The following SLC25A48 variants were observed in gnomAD, a reference collection of about 807,000 sequenced individuals.
SLC25A48 encodes CTC-321K16.1.
SLC25A48 carries 29 observed loss-of-function variants against 32.2 expected under a neutral mutation model. That is an observed-to-expected ratio of 0.90 (90% CI 0.67 to 1.23). The LOEUF (loss-of-function observed/expected upper bound fraction) is 1.23. SLC25A48 is among the 50% of genes most tolerant of loss of function. The pLI is 0.00. For synonymous variants in SLC25A48, 164 were observed against 172.3 expected (o/e 0.95, Z 0.38); for missense variants, 399 against 422.7 (o/e 0.94, Z 0.49).
intron 3 of SLC25A48, among the ~76,000 whole-genome samples, chr5:135,801,652 C>G (rs895192725): frequency 6.0e-5 from 9 of 150,356 alleles, no homozygotes; most frequent in African/African-American, 2.2e-4. Context: ...ATGATATTAC[C>G]CTCAATATCA....
At chr5:135,853,228 GCTGCTGA>G in intron 4 of SLC25A48, among the ~76,000 whole-genome samples, 1 of 152,304 alleles carries the variant, frequency 6.6e-6, no homozygotes, top group East Asian at 1.9e-4. Flanking sequence ...GATGTTGATG[GCTGCTGA>G]CTGATCAGGG....
chr5:135,581,773 G>A (rs1049737906), intron 1 of SLC25A48, among the ~76,000 whole-genome samples: 1 of 152,238 alleles, frequency 6.6e-6, no homozygotes, highest in Admixed American at 6.5e-5. Flanking sequence ...TGCAAGCAGA[G>A]CTGAGCCCTT....
intron 3 of SLC25A48, among the ~76,000 whole-genome samples, chr5:135,740,943 G>A (rs1473173966): frequency 7.9e-5 from 12 of 152,150 alleles, no homozygotes; most frequent in Admixed American, 7.8e-4. Context: ...TACTTTGGGT[G>A]GGCTACAAAC....
chr5:135,680,103 G>A (rs971466289), intron 3 of SLC25A48, among the ~76,000 whole-genome samples: 3 of 152,088 alleles, frequency 2.0e-5, no homozygotes, highest in African/African-American at 7.2e-5. Flanking sequence ...TCTTGCTTTA[G>A]GTGTCTGTAG....
chr5:135,699,335 T>C (rs1273746283), intron 3 of SLC25A48, among the ~76,000 whole-genome samples: 1 of 151,020 alleles, frequency 6.6e-6, no homozygotes. Context: ...ATATTATGCA[T>C]CAAGGAGAAA....
intron 3 of SLC25A48, among the ~76,000 whole-genome samples, chr5:135,746,991 TTTG>T (rs1561473786): frequency 4.2e-5 from 3 of 70,784 alleles, no homozygotes; most frequent in Admixed American, 1.3e-4. Flanking sequence ...TTAAGTATTT[TTTG>T]TTGTTGTTTT....
intron 3 of SLC25A48, among the ~76,000 whole-genome samples, chr5:135,658,639 G>C (rs1753313014): frequency 6.6e-6 from 1 of 152,240 alleles, no homozygotes; most frequent in Non-Finnish European, 1.5e-5. Flanking sequence ...TGCCCTAGCA[G>C]AGGTTCTCCA....
chr5:135,789,652 T>C (rs1224768555), intron 3 of SLC25A48, among the ~76,000 whole-genome samples: 3 of 150,948 alleles, frequency 2.0e-5, no homozygotes, highest in Non-Finnish European at 4.4e-5. Flanking sequence ...TTTTGCGATA[T>C]GGTTTGTAAT....
At chr5:135,879,083 A>G (rs1762251773) in intron 6 of SLC25A48, among the ~76,000 whole-genome samples, 1 of 152,158 alleles carries the variant, frequency 6.6e-6, no homozygotes, top group African/African-American at 2.4e-5. Flanking sequence ...AGCATCACAT[A>G]ATACTCCCTA....
intron 3 of SLC25A48, among the ~76,000 whole-genome samples, chr5:135,752,948 G>T (rs1054004118): frequency 9.2e-5 from 14 of 151,784 alleles, no homozygotes; most frequent in Admixed American, 1.3e-4. Context: ...ATTTCTCGAG[G>T]ATATATTTTA....
At chr5:135,794,241 G>T (rs1383798139) in intron 3 of SLC25A48, among the ~76,000 whole-genome samples, 1 of 151,614 alleles carries the variant, frequency 6.6e-6, no homozygotes, top group Non-Finnish European at 1.5e-5. Context: ...TAATATCTAG[G>T]GGGGGAGTGG....
chr5:135,780,812 C>T (rs1580871917), intron 3 of SLC25A48, among the ~76,000 whole-genome samples: 1 of 115,366 alleles, frequency 8.7e-6, no homozygotes, highest in Non-Finnish European at 2.1e-5. Flanking sequence ...GATGATATTA[C>T]TCCCAATATC....
At chr5:135,601,217 T>C (rs541634163) in intron 1 of SLC25A48, 1 of 152,378 alleles carries the variant, frequency 6.6e-6, no homozygotes, top group African/African-American at 2.4e-5. Flanking sequence ...AGTCATTTAA[T>C]GGCTCTTGAC....
At chr5:135,658,791 C>G (rs1237318299) in intron 3 of SLC25A48, among the ~76,000 whole-genome samples, 1 of 152,210 alleles carries the variant, frequency 6.6e-6, no homozygotes, top group Non-Finnish European at 1.5e-5. Context: ...TAGAAGCTGC[C>G]AAGGCTTGGG....
At chr5:135,648,740 A>G (rs1477686212) in intron 3 of SLC25A48, 2 of 152,236 alleles carry the variant, frequency 1.3e-5, no homozygotes, top group African/African-American at 4.8e-5. Flanking sequence ...ATTGCTTGTA[A>G]ATGATTAAGA....
intron 3 of SLC25A48, among the ~76,000 whole-genome samples, chr5:135,760,106 C>T (rs1756025394): frequency 6.6e-6 from 1 of 152,184 alleles, no homozygotes. Flanking sequence ...GCTGGGATTA[C>T]AGCTGTGAGC....
upstream of SLC25A48, among the ~76,000 whole-genome samples, chr5:135,833,168 T>C (rs1382016110): frequency 6.6e-6 from 1 of 152,242 alleles, no homozygotes; most frequent in Non-Finnish European, 1.5e-5. Flanking sequence ...GTGGCATGCA[T>C]ATGGGAATGG....
At chr5:135,845,451 G>A (rs970699908) in intron 2 of SLC25A48, among the ~76,000 whole-genome samples, 22 of 152,206 alleles carry the variant, frequency 1.4e-4, no homozygotes, top group African/African-American at 4.8e-4. Context: ...TGTTCAGCCT[G>A]AGTGCCCCTG....
In SLC25A48 at chr5:135,878,170, C is replaced by T. The variant is rs370432881; in HGVS notation, c.814-1798C>T. 4.7e-4 allele frequency among the ~76,000 whole-genome samples: 71 copies of T among 152,304 alleles called. No individual in the cohort carries two copies. In the East Asian group the frequency reaches 0.013, roughly 27 times the overall value. On this transcript the variant is annotated intron_variant, in intron 6 of 7. Transcript: ENST00000681962. ...GCCTTCTGTGGGCTCTGCAGCAGAG[C>T]AGGCCACAGCTGCTGGAGGGTGAGC...
Sources: gnomAD v4.1 joint callset for allele counts (sites outside exome capture counted in the v4.1 genomes callset) on GRCh38, gnomAD v4.1.1 for gene constraint, MANE v1.5 for transcripts, NCBI Gene and HGNC (gene_info 2026-07-23, HGNC 2026-07-21) for gene names.